The following SLC71A1 variants were observed in gnomAD, a reference collection of about 807,000 sequenced individuals.
The protein encoded by SLC71A1 is solute carrier family 71 member 1.
chr1:100,078,005 G>T, the SLC71A1 span, among the ~76,000 whole-genome samples: 3,077 of 152,258 alleles, frequency 0.02, 123 homozygotes, highest in African/African-American at 0.07. Context: ...ATCAAGCCAG[G>T]AACATCCAAG....
At chr1:100,041,793 A>G in the SLC71A1 span, among the ~76,000 whole-genome samples, 1 of 152,082 alleles carries the variant, frequency 6.6e-6, no homozygotes, top group Non-Finnish European at 1.5e-5. Context: ...GTGTGGTGGT[A>G]TGTGCCTGTA....
At chr1:100,044,021 C>T in the SLC71A1 span, among the ~76,000 whole-genome samples, 6 of 152,208 alleles carry the variant, frequency 3.9e-5, no homozygotes, top group African/African-American at 1.4e-4. Context: ...CATGCATGTA[C>T]ATGTGTCTTT....
chr1:100,075,615 CTAA>C, the SLC71A1 span, among the ~76,000 whole-genome samples: 1 of 152,130 alleles, frequency 6.6e-6, no homozygotes, highest in Non-Finnish European at 1.5e-5. Context: ...ATTTCTAACC[CTAA>C]TTAGAATCCT....
At chr1:100,052,461 C>T in the SLC71A1 span, among the ~76,000 whole-genome samples, 2 of 138,282 alleles carry the variant, frequency 1.4e-5, no homozygotes, top group African/African-American at 5.6e-5. Context: ...CGGAGTCTCG[C>T]TCTGTCTGTC....
chr1:100,043,272 T>A, the SLC71A1 span: 1 of 731,200 alleles, frequency 1.4e-6, no homozygotes, highest in Non-Finnish European at 1.7e-6. Flanking sequence ...GTTTCAATTA[T>A]AAGGAACTCT....
the SLC71A1 span, chr1:100,038,367 T>A: frequency 7.0e-7 from 1 of 1,431,050 alleles, no homozygotes; most frequent in African/African-American, 1.4e-5. Context: ...CCATCCGGTC[T>A]CTCCTTCAGA....
chr1:100,071,218 C>G, the SLC71A1 span, among the ~76,000 whole-genome samples: 2 of 146,644 alleles, frequency 1.4e-5, no homozygotes, highest in African/African-American at 5.1e-5. Context: ...TTTGGGTGGC[C>G]AAGGTCAGGG....
chr1:100,068,500 A>C, the SLC71A1 span: 4 of 1,613,554 alleles, frequency 2.5e-6, no homozygotes, highest in Non-Finnish European at 8.5e-7. Flanking sequence ...CCAAGATTCC[A>C]TAGTGCTGCT....
chr1:100,077,380 T>C, the SLC71A1 span: 1 of 639,390 alleles, frequency 1.6e-6, no homozygotes, highest in Non-Finnish European at 2.8e-6. Context: ...TGTCTCATAC[T>C]ATGCTTTTTA....
chr1:100,042,987 ATTACT>A, the SLC71A1 span: 1 of 510,952 alleles, frequency 2.0e-6, no homozygotes, highest in Non-Finnish European at 2.5e-6. Context: ...AGCATCATTA[ATTACT>A]TAGCTCCTTA....
At chr1:100,066,983 C>T in the SLC71A1 span, among the ~76,000 whole-genome samples, 3,183 of 90,290 alleles carry the variant, frequency 0.035, 138 homozygotes, top group African/African-American at 0.13. Flanking sequence ...AGCGAGACTC[C>T]GTCTCAAAAA....
At chr1:100,046,225 T>TG in the SLC71A1 span, among the ~76,000 whole-genome samples, 1 of 103,814 alleles carries the variant, frequency 9.6e-6, no homozygotes, top group Non-Finnish European at 2.0e-5. Flanking sequence ...TTTTTTTTTT[T>TG]TTTTTTTTTT....
At chr1:100,052,767 T>C in the SLC71A1 span, among the ~76,000 whole-genome samples, 1 of 147,588 alleles carries the variant, frequency 6.8e-6, no homozygotes, top group African/African-American at 2.6e-5. Context: ...GTTTTCTTTT[T>C]CTTTTTTTTT....
At chr1:100,065,194 G>T in the SLC71A1 span, among the ~76,000 whole-genome samples, 6 of 152,076 alleles carry the variant, frequency 3.9e-5, no homozygotes, top group Non-Finnish European at 8.8e-5. Flanking sequence ...TTTGATTGCT[G>T]TGTAGTGTAT....
At chr1:100,051,067 G>A in the SLC71A1 span, among the ~76,000 whole-genome samples, 3 of 150,322 alleles carry the variant, frequency 2.0e-5, no homozygotes, top group African/African-American at 2.5e-5. Context: ...CCTGGGCGAC[G>A]GGAGTGAAAC....
chr1:100,038,441 G>T, the SLC71A1 span: 1 of 793,478 alleles, frequency 1.3e-6, no homozygotes. Flanking sequence ...TGTCCGAGCT[G>T]CCGGTGCCTC....
At chr1:100,046,044 G>A in the SLC71A1 span, among the ~76,000 whole-genome samples, 44 of 151,740 alleles carry the variant, frequency 2.9e-4, no homozygotes, top group South Asian at 1.5e-3. Context: ...TGTATACTTC[G>A]GTGCCGTTGT....
the SLC71A1 span, among the ~76,000 whole-genome samples, chr1:100,046,609 A>C: frequency 2.0e-5 from 3 of 152,152 alleles, no homozygotes; most frequent in South Asian, 6.2e-4. Context: ...TTAAAAGAAA[A>C]AATTCTGTGA....
the SLC71A1 span, among the ~76,000 whole-genome samples, chr1:100,049,251 G>A: frequency 6.7e-6 from 1 of 150,120 alleles, no homozygotes; most frequent in Non-Finnish European, 1.5e-5. Flanking sequence ...ACATACTTTC[G>A]CTGGGGATTG....
Sources: gnomAD v4.1 joint callset for allele counts (sites outside exome capture counted in the v4.1 genomes callset) on GRCh38, gnomAD v4.1.1 for gene constraint, MANE v1.5 for transcripts, NCBI Gene and HGNC (gene_info 2026-07-23, HGNC 2026-07-21) for gene names.